PCDHA1: variants seen among roughly 807,000 people sequenced by gnomAD.
The protein encoded by PCDHA1 is protocadherin alpha 1, also known as protocadherin alpha-1.
A neutral mutation model predicts 61.3 loss-of-function variants in PCDHA1; 42 were observed. The ratio of observed to expected loss-of-function variants is 0.69; its 90% CI spans 0.54 to 0.89. The LOEUF is 0.89. Ranked by LOEUF, PCDHA1 falls within the 40% of genes least tolerant of loss-of-function variation. The pLI is 0.00. For missense variants in PCDHA1, 1,256 were observed against 1,235.3 expected (o/e 1.02, Z -0.25); for synonymous variants, 610 against 553.8 (o/e 1.10, Z -1.43).
intron 1 of PCDHA1, chr5:140,928,995 C>T (rs1554206548): frequency 1.2e-6 from 2 of 1,613,798 alleles, no homozygotes; most frequent in Non-Finnish European, 1.7e-6. Flanking sequence ...GCTTACTTTT[C>T]TTCGTGTGTA....
At chr5:140,967,189 C>T (rs1554229286) in intron 1 of PCDHA1, 2 of 1,613,522 alleles carry the variant, frequency 1.2e-6, no homozygotes, top group Admixed American at 1.7e-5. Flanking sequence ...TATTGGACAT[C>T]AACGACAACT....
chr5:140,801,813 C>T, intron 1 of PCDHA1: 2 of 1,614,110 alleles, frequency 1.2e-6, no homozygotes, highest in Non-Finnish European at 1.7e-6. Context: ...AGAGGACACT[C>T]CTAAGCATTA....
intron 1 of PCDHA1, among the ~76,000 whole-genome samples, chr5:140,955,670 T>C (rs1212129993): frequency 6.6e-6 from 1 of 152,140 alleles, no homozygotes; most frequent in East Asian, 1.9e-4. Flanking sequence ...TTTAACATAG[T>C]TTTTTCGAAA....
At chr5:140,967,511 G>T (rs1402187059) in intron 1 of PCDHA1, 2 of 1,612,876 alleles carry the variant, frequency 1.2e-6, no homozygotes, top group Non-Finnish European at 8.5e-7. Flanking sequence ...GCGTGTCCTG[G>T]ACACTAACGA....
At chr5:140,823,398 G>A in intron 1 of PCDHA1, 1 of 1,612,976 alleles carries the variant, frequency 6.2e-7, no homozygotes, top group East Asian at 2.2e-5. Context: ...ACGCGGGCGT[G>A]CCGCCTCTGG....
intron 3 of PCDHA1, among the ~76,000 whole-genome samples, chr5:140,991,033 T>C (rs2097428117): frequency 6.6e-6 from 1 of 152,212 alleles, no homozygotes; most frequent in African/African-American, 2.4e-5. Context: ...ATATGTTGCA[T>C]ACTTAACTTT....
chr5:140,973,812 G>A (rs897592585), intron 1 of PCDHA1, among the ~76,000 whole-genome samples: 10 of 152,236 alleles, frequency 6.6e-5, no homozygotes, highest in Admixed American at 6.5e-4. Context: ...TGACAGAATA[G>A]CAAAGTCAGT....
intron 1 of PCDHA1, chr5:140,834,155 GT>G: frequency 3.7e-6 from 2 of 535,854 alleles, no homozygotes; most frequent in South Asian, 3.0e-5. Context: ...GTAATGGTTT[GT>G]AATTCTTACT....
intron 1 of PCDHA1, among the ~76,000 whole-genome samples, chr5:140,793,531 G>A (rs915053520): frequency 1.3e-5 from 2 of 152,224 alleles, no homozygotes; most frequent in East Asian, 3.9e-4. Context: ...TTTCTCTTAC[G>A]GACATTGCAA....
At chr5:140,927,381 A>G in intron 1 of PCDHA1, 2 of 1,614,102 alleles carry the variant, frequency 1.2e-6, no homozygotes, top group Non-Finnish European at 1.7e-6. Flanking sequence ...GCTACAGCCT[A>G]AGCCCCAGTC....
At chr5:140,968,067 T>G in intron 1 of PCDHA1, 1 of 1,614,082 alleles carries the variant, frequency 6.2e-7, no homozygotes, top group Non-Finnish European at 8.5e-7. Context: ...CGGGTGGCTG[T>G]CTACAACATC....
chr5:140,836,662 C>CTTGGG, intron 1 of PCDHA1: 1 of 1,613,452 alleles, frequency 6.2e-7, no homozygotes. Flanking sequence ...AGGGTGTGCT[C>CTTGGG]TGGGGAGGGC....
intron 1 of PCDHA1, chr5:140,883,493 C>G: frequency 6.2e-7 from 1 of 1,614,174 alleles, no homozygotes; most frequent in Non-Finnish European, 8.5e-7. Flanking sequence ...CTCATTAGTG[C>G]TGGACAGCGC....
At chr5:140,967,060 G>T in intron 1 of PCDHA1, 1 of 1,612,802 alleles carries the variant, frequency 6.2e-7, no homozygotes, top group Non-Finnish European at 8.5e-7. Flanking sequence ...CGAGTGGAGC[G>T]CTCTTCGTCA....
intron 1 of PCDHA1, chr5:140,856,511 G>A (rs1554148790): frequency 6.3e-7 from 1 of 1,598,478 alleles, no homozygotes; most frequent in Non-Finnish European, 8.6e-7. Context: ...TCCACTAGAA[G>A]GCGCATCTGA....
chr5:140,843,048 C>T (rs1554139673), intron 1 of PCDHA1: 2 of 1,595,084 alleles, frequency 1.3e-6, no homozygotes, highest in Non-Finnish European at 1.7e-6. Context: ...ACTGGTGGCG[C>T]AGCGAGCAAG....
intron 1 of PCDHA1, among the ~76,000 whole-genome samples, chr5:140,918,314 A>G (rs2078635890): frequency 1.3e-5 from 2 of 152,138 alleles, no homozygotes; most frequent in Admixed American, 1.3e-4. Context: ...TTTTCTAGGT[A>G]TAAAATTATA....
intron 1 of PCDHA1, chr5:140,801,191 A>G (rs1554121300): frequency 6.3e-7 from 1 of 1,582,778 alleles, no homozygotes; most frequent in African/African-American, 1.4e-5. Flanking sequence ...TTTGGAAAAT[A>G]CTTGCAATGT....
rs1284722647 is a variant in PCDHA1, at chr5:140,822,989, C to T, written c.2394+34305C>T. 6.2e-7 allele frequency: 1 copy of T among 1,614,244 alleles called. No homozygotes were observed. The highest frequency in any genetic ancestry group is 1.7e-5 in the Admixed American group (1 of 60,036). On this transcript the variant is annotated intron_variant, in intron 1 of 3. Transcript: ENST00000504120. ...GTGTCCACCTTCAAGAATTACTACTCGTTGGTGCTGGACAGCGCCCTGGAC... is the reference window on the plus strand; with the variant it reads ...GTGTCCACCTTCAAGAATTACTACTTGTTGGTGCTGGACAGCGCCCTGGAC...
Sources: gnomAD v4.1 joint callset for allele counts (sites outside exome capture counted in the v4.1 genomes callset) on GRCh38, gnomAD v4.1.1 for gene constraint, MANE v1.5 for transcripts, NCBI Gene and HGNC (gene_info 2026-07-23, HGNC 2026-07-21) for gene names.